The following GALNT13 variants were observed in gnomAD, a reference collection of about 807,000 sequenced individuals.
The protein encoded by GALNT13 is polypeptide N-acetylgalactosaminyltransferase 13, also known as UDP-GalNAc:polypeptide N-acetylgalactosaminyltransferase 13.
Under a neutral mutation model 64.2 loss-of-function variants are expected in GALNT13, and 28 were observed. That is an observed-to-expected ratio of 0.44 (90% CI 0.32 to 0.60). The LOEUF (loss-of-function observed/expected upper bound fraction) is 0.60. GALNT13 is among the 20% of genes least tolerant of loss of function. The pLI, the probability that GALNT13 is intolerant of heterozygous loss-of-function variation, is 0.05. For synonymous variants in GALNT13, 214 were observed against 224.6 expected (o/e 0.95, Z 0.42); for missense variants, 577 against 669.8 (o/e 0.86, Z 1.53).
the GALNT13 span, among the ~76,000 whole-genome samples, chr2:153,465,644 G>C: frequency 6.6e-6 from 1 of 151,674 alleles, no homozygotes; most frequent in Non-Finnish European, 1.5e-5. Flanking sequence ...TTTAGAGGTA[G>C]GGAGCTTAAT....
chr2:153,108,276 G>GT, the GALNT13 span, among the ~76,000 whole-genome samples: 38 of 151,592 alleles, frequency 2.5e-4, no homozygotes, highest in East Asian at 2.7e-3. Context: ...AAAAGAACAA[G>GT]TTTTTTTTTC....
the GALNT13 span, among the ~76,000 whole-genome samples, chr2:153,511,502 AG>A: frequency 6.6e-6 from 1 of 152,168 alleles, no homozygotes; most frequent in Non-Finnish European, 1.5e-5. Context: ...AAAGCCAGGC[AG>A]GGGAATGCGT....
chr2:154,455,726 G>A (rs1179382826), downstream of GALNT13, among the ~76,000 whole-genome samples: 1 of 152,146 alleles, frequency 6.6e-6, no homozygotes, highest in Non-Finnish European at 1.5e-5. Context: ...TTGTGTATAT[G>A]TGTAGCCCAG....
chr2:153,848,839 A>G, the GALNT13 span, among the ~76,000 whole-genome samples: 1 of 151,798 alleles, frequency 6.6e-6, no homozygotes, highest in East Asian at 1.9e-4. Flanking sequence ...TTCCACAAAG[A>G]AATTATAAAT....
intron 3 of GALNT13, among the ~76,000 whole-genome samples, chr2:153,995,714 C>T (rs181335538): frequency 1.3e-5 from 2 of 152,118 alleles, no homozygotes; most frequent in African/African-American, 4.8e-5. Flanking sequence ...TTGAAATATG[C>T]AATACATTGC....
At chr2:153,983,538 A>G (rs1007258453) in intron 3 of GALNT13, among the ~76,000 whole-genome samples, 7 of 151,900 alleles carry the variant, frequency 4.6e-5, no homozygotes, top group African/African-American at 1.4e-4. Context: ...AAGTGAATCT[A>G]TGACATACAC....
the GALNT13 span, among the ~76,000 whole-genome samples, chr2:153,292,091 A>G: frequency 6.6e-6 from 1 of 152,144 alleles, no homozygotes. Context: ...CCATGTTTCA[A>G]ATGATTGTAA....
In GALNT13 at chr2:154,287,058, T is replaced by C. The variant is rs1325341961; in HGVS notation, c.976-14351T>C. 4 of 706,530 alleles carry C rather than the reference T, an allele frequency of 5.7e-6. No homozygotes were observed. In the African/African-American group the frequency reaches 7.0e-5, roughly 12 times the overall value. The allele number at this position is 706,530 out of a possible 1,614,324, so 43.8% of individuals were successfully genotyped here. On this transcript the variant is annotated intron_variant, in intron 8 of 12. Transcript: ENST00000392825. ...GGCAGGTGAGTGATGACCTTACAGG[T>C]CATCTTTGGGCTCATCCACCCACCT...
the GALNT13 span, among the ~76,000 whole-genome samples, chr2:153,499,111 A>T: frequency 1.6e-4 from 24 of 152,232 alleles, no homozygotes; most frequent in Non-Finnish European, 2.9e-4. Context: ...TCGGCCTCCC[A>T]AAGTGCTGAG....
At chr2:153,302,626 T>G in the GALNT13 span, among the ~76,000 whole-genome samples, 1 of 152,136 alleles carries the variant, frequency 6.6e-6, no homozygotes, top group Non-Finnish European at 1.5e-5. Context: ...GAAAAGTAAT[T>G]GCCCAGACCA....
the GALNT13 span, among the ~76,000 whole-genome samples, chr2:153,474,833 A>G: frequency 2.0e-5 from 3 of 152,204 alleles, no homozygotes; most frequent in East Asian, 3.8e-4. Context: ...AGGGACTCCC[A>G]CTAATTACTG....
At chr2:153,176,683 A>C in the GALNT13 span, among the ~76,000 whole-genome samples, 2 of 151,680 alleles carry the variant, frequency 1.3e-5, no homozygotes, top group African/African-American at 2.4e-5. Flanking sequence ...GCAATGATTG[A>C]AGGTAAATGG....
At chr2:153,178,885 C>T in the GALNT13 span, among the ~76,000 whole-genome samples, 1 of 151,272 alleles carries the variant, frequency 6.6e-6, no homozygotes, top group African/African-American at 2.4e-5. Flanking sequence ...GAGGCGTGCA[C>T]AACCACAACT....
chr2:153,602,532 C>G, the GALNT13 span, among the ~76,000 whole-genome samples: 5 of 151,546 alleles, frequency 3.3e-5, no homozygotes, highest in African/African-American at 1.2e-4. Flanking sequence ...TGTGGACATA[C>G]GGGCAAGACG....
chr2:154,301,118 T>C (rs568336880), intron 8 of GALNT13, among the ~76,000 whole-genome samples: 2 of 152,304 alleles, frequency 1.3e-5, no homozygotes, highest in Admixed American at 1.3e-4. Flanking sequence ...GTACCAAATC[T>C]ACTAACTAGC....
chr2:154,107,381 T>G (rs1487813872), intron 3 of GALNT13, among the ~76,000 whole-genome samples: 1 of 151,786 alleles, frequency 6.6e-6, no homozygotes, highest in Non-Finnish European at 1.5e-5. Context: ...GATCACGAGG[T>G]CAGATTGAGA....
intron 2 of GALNT13, among the ~76,000 whole-genome samples, chr2:153,919,040 G>T (rs181542701): frequency 1.3e-5 from 2 of 151,956 alleles, no homozygotes; most frequent in African/African-American, 2.4e-5. Flanking sequence ...GCACAATTTT[G>T]TACTATTGAT....
chr2:153,332,138 G>A, the GALNT13 span, among the ~76,000 whole-genome samples: 31 of 151,966 alleles, frequency 2.0e-4, no homozygotes, highest in Middle Eastern at 3.4e-3. Context: ...TTTTTGTTGC[G>A]TTGATTCTTT....
intron 9 of GALNT13, among the ~76,000 whole-genome samples, chr2:154,390,080 T>TA (rs1301767214): frequency 6.6e-6 from 1 of 152,140 alleles, no homozygotes; most frequent in African/African-American, 2.4e-5. Context: ...TATGTTTATA[T>TA]AAAAAAATCA....
Sources: gnomAD v4.1 joint callset for allele counts (sites outside exome capture counted in the v4.1 genomes callset) on GRCh38, gnomAD v4.1.1 for gene constraint, MANE v1.5 for transcripts, NCBI Gene and HGNC (gene_info 2026-07-23, HGNC 2026-07-21) for gene names.